The following CREBRF variants were observed in gnomAD, a reference collection of about 807,000 sequenced individuals.
CREBRF encodes the protein CREB3 regulatory factor, also known as UPF0474 protein C5orf41.
CREBRF carries 5 observed loss-of-function variants against 66.1 expected under a neutral mutation model. The ratio of observed to expected loss-of-function variants is 0.08; its 90% CI spans 0.04 to 0.16. The LOEUF is 0.16. Ranked by LOEUF, CREBRF falls within the 10% of genes least tolerant of loss-of-function variation. The probability of loss-of-function intolerance (pLI) is 1.00; values close to 1 mark genes in which losing one functional copy is unlikely to be tolerated. For synonymous variants in CREBRF, 229 were observed against 264.4 expected (o/e 0.87, Z 1.30); for missense variants, 531 against 744.9 (o/e 0.71, Z 3.34).
intron 1 of CREBRF, among the ~76,000 whole-genome samples, chr5:173,069,347 C>CT (rs913674948): frequency 2.8e-4 from 42 of 148,734 alleles, no homozygotes; most frequent in Middle Eastern, 3.5e-3. Context: ...AAATATATTT[C>CT]TTTTTTTTTT....
intron 1 of CREBRF, among the ~76,000 whole-genome samples, chr5:173,059,256 C>CTTTT (rs780723745): frequency 0.029 from 3,332 of 116,762 alleles, 213 homozygotes; most frequent in Non-Finnish European, 0.035. Flanking sequence ...TCTTCTTTTT[C>CTTTT]TTTTTTTTCT....
intron 1 of CREBRF, 114 bp downstream of exon 1, chr5:173,056,593 G>A: frequency 2.6e-6 from 1 of 392,016 alleles, no homozygotes; most frequent in Non-Finnish European, 4.5e-6. Context: ...GCTCTGGGCC[G>A]GGCCGGCGCG....
rs1243324613 is a variant in CREBRF, at chr5:173,137,334, T to C, written c.*3589T>C. ...GATTTCAGATGGGTATGGTTTCAAA[T>C]TCCCTCTCTTTATAGTTATTTTATA... On this transcript the variant is annotated 3_prime_UTR_variant, in exon 9 of 9. Transcript: ENST00000296953. 1.3e-5 allele frequency: 2 copies of C among 152,104 alleles called. No homozygotes were observed. The highest frequency in any genetic ancestry group is 2.4e-5 in the African/African-American group (1 of 41,456). 9.4% of individuals were successfully genotyped at this position (152,104 alleles called of 1,614,324 possible).
intron 4 of CREBRF, chr5:173,092,215 A>C (rs890071743): frequency 1.0e-5 from 10 of 965,436 alleles, no homozygotes; most frequent in Non-Finnish European, 1.1e-5. Context: ...TCCAATACCC[A>C]ACAAAGTCTA....
intron 4 of CREBRF, among the ~76,000 whole-genome samples, chr5:173,103,182 T>C (rs1173787649): frequency 6.6e-6 from 1 of 152,238 alleles, no homozygotes; most frequent in Non-Finnish European, 1.5e-5. Context: ...GGTCAAGTTC[T>C]CTTCTTGGAC....
At chr5:173,103,129 C>T (rs921610319) in intron 4 of CREBRF, among the ~76,000 whole-genome samples, 3 of 152,216 alleles carry the variant, frequency 2.0e-5, no homozygotes, top group Non-Finnish European at 2.9e-5. Flanking sequence ...GTTGCTCTTA[C>T]ATAACAGGAC....
At chr5:173,086,943 A>ATTTTT (rs1165232588) in intron 3 of CREBRF, among the ~76,000 whole-genome samples, 2 of 98,416 alleles carry the variant, frequency 2.0e-5, no homozygotes, top group Non-Finnish European at 2.1e-5. Flanking sequence ...CATCCAACTA[A>ATTTTT]TTTTGTTTTT....
At chr5:173,078,654 G>A (rs1040536904) in intron 1 of CREBRF, among the ~76,000 whole-genome samples, 1 of 151,484 alleles carries the variant, frequency 6.6e-6, no homozygotes, top group African/African-American at 2.4e-5. Flanking sequence ...TGCCTCCCGG[G>A]TTCACACCAT....
chr5:173,082,942 A>C (rs1292128006), intron 2 of CREBRF, among the ~76,000 whole-genome samples: 2 of 118,780 alleles, frequency 1.7e-5, no homozygotes, highest in East Asian at 2.2e-4. Flanking sequence ...AAAAAAAAAA[A>C]AAAACCGGGT....
At chr5:173,087,840 T>C (rs1758205585) in intron 3 of CREBRF, among the ~76,000 whole-genome samples, 1 of 152,188 alleles carries the variant, frequency 6.6e-6, no homozygotes, top group South Asian at 2.1e-4. Flanking sequence ...ATCTATTTAT[T>C]TGGGACGGAG....
chr5:173,132,725 G>A (rs1458565722), intron 8 of CREBRF, among the ~76,000 whole-genome samples: 10 of 147,602 alleles, frequency 6.8e-5, no homozygotes, highest in African/African-American at 1.8e-4. Context: ...TCAGCCTCCC[G>A]AGTAGCTGGG....
In CREBRF at chr5:173,136,405, A is replaced by G. The variant is rs1376051045; in HGVS notation, c.*2660A>G. ...GTATATCTTAGAAAAGCACTTTGTT[A>G]AAAAAAAATTGCATTTTATATGATT... On this transcript the variant is annotated 3_prime_UTR_variant, in exon 9 of 9. Coordinates refer to ENST00000296953, the MANE Select transcript of CREBRF (RefSeq NM_153607.3). 6.8e-6 allele frequency: 1 copy of G among 146,442 alleles called. No individual in the cohort carries two copies. Among genetic ancestry groups the G allele is most frequent in the Non-Finnish European group, 1.5e-5 (1 of 65,228 alleles). The allele number at this position is 146,442 out of a possible 1,614,324, so 9.1% of individuals were successfully genotyped here.
chr5:173,057,047 CCG>C (rs1757074819), intron 1 of CREBRF, among the ~76,000 whole-genome samples: 1 of 151,968 alleles, frequency 6.6e-6, no homozygotes, highest in Non-Finnish European at 1.5e-5. Context: ...TCGGGGGTAG[CCG>C]CTCCCCCTTC....
In CREBRF at chr5:173,135,803, G is replaced by A. The variant is rs1424128758; in HGVS notation, c.*2058G>A. On this transcript the variant is annotated 3_prime_UTR_variant, in exon 9 of 9. Transcript: ENST00000296953. ...CCTGCTTCTTTGACATCTTAAAAAA[G>A]AAATCCAAGGAGGATTGTAAGGATT... 6.6e-6 allele frequency: 1 copy of A among 152,296 alleles called. No homozygotes were observed. Among genetic ancestry groups the A allele is most frequent in the South Asian group, 2.1e-4 (1 of 4,830 alleles). 9.4% of individuals were successfully genotyped at this position (152,296 alleles called of 1,614,324 possible).
At position 173,085,426 on chromosome 5, in the gene CREBRF, T is replaced by C. The variant is rs1048926901; in HGVS notation, c.10-1075T>C. 7 of 863,728 alleles carry C rather than the reference T, an allele frequency of 8.1e-6. No individual in the cohort carries two copies. The Admixed American group carries it at 9.3e-5, about 12-fold the overall frequency. 53.5% of individuals were successfully genotyped at this position (863,728 alleles called of 1,614,324 possible). A position where few individuals can be genotyped will look rare whatever the true frequency, so the allele number is the denominator to read the frequency against. ...GTCAAATACATTCTTTTTTTTTTTT[T>C]CTTTTTGGAGACGGAGTTTCGCTCT... On this transcript the variant is annotated intron_variant, in intron 2 of 8. Coordinates refer to ENST00000296953, the MANE Select transcript of CREBRF (RefSeq NM_153607.3).
At chr5:173,129,903 T>G (rs1561584373) in intron 8 of CREBRF, among the ~76,000 whole-genome samples, 1 of 152,116 alleles carries the variant, frequency 6.6e-6, no homozygotes, top group Non-Finnish European at 1.5e-5. Flanking sequence ...CTCAGTTCAC[T>G]GCACCTCTGC....
chr5:173,081,318 A>G (rs1315388211), intron 2 of CREBRF, among the ~76,000 whole-genome samples: 1 of 152,102 alleles, frequency 6.6e-6, no homozygotes, highest in Admixed American at 6.5e-5. Context: ...TATGGCAGCT[A>G]CTCTGAATTG....
At chr5:173,080,230 A>G (rs1007967954) in intron 1 of CREBRF, among the ~76,000 whole-genome samples, 2 of 152,146 alleles carry the variant, frequency 1.3e-5, no homozygotes, top group Non-Finnish European at 2.9e-5. Flanking sequence ...ATTTTGAGAT[A>G]TGTTTTCTCA....
chr5:173,074,809 G>A (rs1757711818), intron 1 of CREBRF, among the ~76,000 whole-genome samples: 1 of 151,794 alleles, frequency 6.6e-6, no homozygotes, highest in African/African-American at 2.4e-5. Context: ...TTTTAGTAGA[G>A]GGGGTTTCGC....
Sources: allele counts gnomAD v4.1 joint callset (sites outside exome capture counted in the v4.1 genomes callset), GRCh38; gene constraint gnomAD v4.1.1; transcripts MANE v1.5; gene names NCBI Gene and HGNC (gene_info 2026-07-23, HGNC 2026-07-21).